Variants in TEX2 observed in about 807,000 individuals in gnomAD.
TEX2 encodes the protein testis-expressed protein 2.
Under a neutral mutation model 106.9 loss-of-function variants are expected in TEX2, and 53 were observed. The observed-to-expected ratio is 0.50, with a 90% CI of 0.40 to 0.62. The LOEUF (loss-of-function observed/expected upper bound fraction) is 0.62. Among genes scored for constraint, TEX2 ranks in the 20% least tolerant of loss-of-function variants. The pLI is 0.00. For missense variants in TEX2, 1,207 were observed against 1,379.0 expected (o/e 0.88, Z 1.98); for synonymous variants, 523 against 534.8 (o/e 0.98, Z 0.30).
In TEX2 at chr17:64,213,347, T is replaced by G. The variant is rs1555632007; in HGVS notation, c.871A>C (p.Lys291Gln). The change falls in exon 2 of 12, where the codon AAA (lysine) becomes CAA (glutamine). Residue 291 changes from lysine (K) to glutamine (Q), a missense_variant. Coordinates refer to ENST00000584379, the MANE Select transcript of TEX2 (RefSeq NM_001288732.2). The surrounding 1 kb of genome is among the most constrained non-coding windows in gnomAD (Gnocchi z 4.4). Reference sequence around the variant, plus strand: ...TAGATGACTTCTGAAAGGCGTCGTTTAGTATCTTCAATTTTAGCCTCCATT... The same window carrying G: ...TAGATGACTTCTGAAAGGCGTCGTTGAGTATCTTCAATTTTAGCCTCCATT... ...PEMEAKIEDT[K>Q]RRLSEVIYEP... 1.2e-6 allele frequency: 2 copies of G among 1,614,060 alleles called. No individual in the cohort carries two copies. The highest frequency in any genetic ancestry group is 1.7e-5 in the Admixed American group (1 of 60,024).
At chr17:64,225,222 C>T (rs1430333227) in intron 1 of TEX2, among the ~76,000 whole-genome samples, 5 of 151,658 alleles carry the variant, frequency 3.3e-5, no homozygotes, top group African/African-American at 9.7e-5. Context: ...GAAGCCGAGG[C>T]GGGAGGAATG....
At chr17:64,230,161 G>T (rs1555634442) in intron 1 of TEX2, among the ~76,000 whole-genome samples, 1 of 152,150 alleles carries the variant, frequency 6.6e-6, no homozygotes, top group Admixed American at 6.5e-5. Context: ...GCACACATGT[G>T]TGTGTAGGGG....
In TEX2 at chr17:64,263,181, G is replaced by C. The variant is rs2034330507; in HGVS notation, c.-39C>G. 1 of 152,072 alleles carries C rather than the reference G, an allele frequency of 6.6e-6. No homozygotes were observed. The highest frequency in any genetic ancestry group is 1.5e-5 in the Non-Finnish European group (1 of 68,030). 9.4% of individuals were successfully genotyped at this position (152,072 alleles called of 1,614,324 possible). ...GAGACTGCTCACCCAAGATCCGCTGGCTGCCTCATTGTACTATGCCGGCGC... is the reference window on the plus strand; with the variant it reads ...GAGACTGCTCACCCAAGATCCGCTGCCTGCCTCATTGTACTATGCCGGCGC... On this transcript the variant is annotated 5_prime_UTR_variant, in exon 1 of 12. Coordinates refer to ENST00000584379, the MANE Select transcript of TEX2 (RefSeq NM_001288732.2).
chr17:64,218,008 C>T (rs376987900), intron 1 of TEX2, among the ~76,000 whole-genome samples: 89 of 152,278 alleles, frequency 5.8e-4, no homozygotes, highest in African/African-American at 2.1e-3. Context: ...GGTCTGGAGT[C>T]TGGTTGTCTG....
At chr17:64,193,925 A>C (rs370425649) in intron 3 of TEX2, 36 bp from the exon 4 acceptor site, 7 of 1,453,540 alleles carry the variant, frequency 4.8e-6, no homozygotes, top group Middle Eastern at 4.0e-4. Flanking sequence ...TATATATTAA[A>C]GATTGGCTAC....
rs529105002 is a variant in TEX2 at position 64,231,070 on chromosome 17, T to C, written c.-25-16828A>G. On this transcript the variant is annotated intron_variant, in intron 1 of 11. Coordinates refer to ENST00000584379, the MANE Select transcript of TEX2 (RefSeq NM_001288732.2). Reference sequence around the variant, plus strand: ...TGTGTGCTGGCCATTAGGTGGAGAGTTTCCAACCTATGAGAATGAGCTGCA... The same window carrying C: ...TGTGTGCTGGCCATTAGGTGGAGAGCTTCCAACCTATGAGAATGAGCTGCA... Among the ~76,000 whole-genome samples, 14 of 151,764 alleles carry C rather than the reference T, an allele frequency of 9.2e-5. No individual in the cohort carries two copies. The East Asian group carries it at 2.5e-3, about 27-fold the overall frequency.
rs566576151 is a variant in TEX2, at chr17:64,187,152, G to A, written c.2424+1016C>T. 3.3e-5 allele frequency among the ~76,000 whole-genome samples: 5 copies of A among 152,302 alleles called. No homozygotes were observed. The South Asian group carries it at 8.3e-4, about 25-fold the overall frequency. On this transcript the variant is annotated intron_variant, in intron 5 of 11. Transcript: ENST00000584379. ...AGTAATTCTATTAAAGTGCCTAACA[G>A]AGCCTGGCATCTGGCAGCTTACAGG...
At chr17:64,221,220 A>C (rs1555633268) in intron 1 of TEX2, among the ~76,000 whole-genome samples, 1 of 152,176 alleles carries the variant, frequency 6.6e-6, no homozygotes, top group Non-Finnish European at 1.5e-5. Context: ...GGGCAGGAAG[A>C]GGGAGAGCAT....
chr17:64,231,512 C>G (rs1266101170), intron 1 of TEX2, among the ~76,000 whole-genome samples: 1 of 152,232 alleles, frequency 6.6e-6, no homozygotes, highest in East Asian at 1.9e-4. Flanking sequence ...CTCATGTGGA[C>G]AGGACCGTCT....
At chr17:64,209,279 T>C (rs782475114) in intron 2 of TEX2, among the ~76,000 whole-genome samples, 5 of 152,226 alleles carry the variant, frequency 3.3e-5, no homozygotes, top group Admixed American at 2.0e-4. Flanking sequence ...CAAAGAACAT[T>C]TGCATTTGAA....
In TEX2 at chr17:64,148,867, A is replaced by T. The variant is rs778035456; in HGVS notation, c.*102T>A. 157 of 1,442,102 alleles carry T rather than the reference A, an allele frequency of 1.1e-4. No individual in the cohort carries two copies. The highest frequency in any genetic ancestry group is 1.4e-4 in the Non-Finnish European group (149 of 1,054,624). The allele number at this position is 1,442,102 out of a possible 1,614,324, so 89.3% of individuals were successfully genotyped here. A position where few individuals can be genotyped will look rare whatever the true frequency, so the allele number is the denominator to read the frequency against. ...GGGCAGAAGCAGTCCTTTAAGAAAC[A>T]GTAGCTGTGGCACAGAGGCCAGTGC... On this transcript the variant is annotated 3_prime_UTR_variant, in exon 12 of 12. Coordinates refer to ENST00000584379, the MANE Select transcript of TEX2 (RefSeq NM_001288732.2).
intron 5 of TEX2, among the ~76,000 whole-genome samples, chr17:64,184,436 T>A (rs1353773709): frequency 1.3e-5 from 2 of 152,192 alleles, no homozygotes; most frequent in Admixed American, 6.5e-5. Flanking sequence ...CTCTTTGTTA[T>A]TGAGTTGTAA....
intron 10 of TEX2, among the ~76,000 whole-genome samples, chr17:64,151,589 A>T (rs1193998988): frequency 6.6e-6 from 1 of 152,226 alleles, no homozygotes; most frequent in Admixed American, 6.5e-5. Flanking sequence ...CTAAAACCTT[A>T]AATCTGTCCT....
At chr17:64,241,823 C>G (rs1555635811) in intron 1 of TEX2, among the ~76,000 whole-genome samples, 1 of 152,116 alleles carries the variant, frequency 6.6e-6, no homozygotes, top group African/African-American at 2.4e-5. Context: ...TAAATAGAGA[C>G]AGGGTCTCAC....
intron 2 of TEX2, among the ~76,000 whole-genome samples, chr17:64,199,327 C>T (rs1555629789): frequency 6.6e-6 from 1 of 152,160 alleles, no homozygotes; most frequent in African/African-American, 2.4e-5. Context: ...ACCTGCACCT[C>T]CTGGGTTCAA....
intron 6 of TEX2, among the ~76,000 whole-genome samples, chr17:64,175,990 G>C (rs1421350341): frequency 6.6e-6 from 1 of 152,164 alleles, no homozygotes; most frequent in Non-Finnish European, 1.5e-5. Flanking sequence ...GTGAGCTCTA[G>C]GTTGGCTGCT....
chr17:64,213,274 C>T lies in TEX2; in HGVS notation c.944G>A (p.Ser315Asn). ...TGAAGATAAGGCTTTGGGCCTATGG[C>T]TGCCACTTTCTTCCCCTATAATTTT... ...LSKIIGEESG[S>N]HRPKALSSSA... Residue 315 changes from serine (S) to asparagine (N), a missense_variant, in exon 2 of 12, where the codon AGC becomes AAC. By Grantham distance (46) the Ser-to-Asn change is conservative (BLOSUM62 1). Transcript: ENST00000584379. This position sits in a 1 kb window ranked among gnomAD's most constrained non-coding sequence, Gnocchi z 4.4. 6.2e-7 allele frequency: 1 copy of T among 1,614,136 alleles called. No homozygotes were observed. The highest frequency in any genetic ancestry group is 8.5e-7 in the Non-Finnish European group (1 of 1,180,046).
intron 1 of TEX2, among the ~76,000 whole-genome samples, chr17:64,224,314 C>T (rs1555633620): frequency 6.6e-6 from 1 of 152,184 alleles, no homozygotes; most frequent in Non-Finnish European, 1.5e-5. Flanking sequence ...CAGAGCAAAA[C>T]AGTGAATCTG....
chr17:64,179,438 T>C (rs2031753109), intron 5 of TEX2, among the ~76,000 whole-genome samples: 1 of 152,212 alleles, frequency 6.6e-6, no homozygotes, highest in African/African-American at 2.4e-5. Context: ...GGCAACCTGC[T>C]TGGGTGCCCT....
Sources: gnomAD v4.1 joint callset for allele counts (sites outside exome capture counted in the v4.1 genomes callset) on GRCh38, gnomAD v4.1.1 for gene constraint, Gnocchi (gnomAD v3.1) non-coding constraint, MANE v1.5 for transcripts, NCBI Gene and HGNC (gene_info 2026-07-23, HGNC 2026-07-21) for gene names.